The following TRIP4 variants were observed in gnomAD, a reference collection of about 807,000 sequenced individuals.
TRIP4 encodes the protein thyroid hormone receptor interactor 4, also known as activating signal cointegrator 1.
A neutral mutation model predicts 81.8 loss-of-function variants in TRIP4; 54 were observed. The ratio of observed to expected loss-of-function variants is 0.66; its 90% CI spans 0.53 to 0.83. The LOEUF is 0.83. Among genes scored for constraint, TRIP4 ranks in the 40% least tolerant of loss-of-function variants. The pLI, the probability that TRIP4 is intolerant of heterozygous loss-of-function variation, is 0.00. For missense variants in TRIP4, 662 were observed against 683.6 expected, an observed-to-expected ratio of 0.97 and a Z score of 0.35; for synonymous variants, 270 against 242.8, an observed-to-expected ratio of 1.11 and a Z score of -1.04.
At chr15:64,414,628 T>A (rs1369614001) in intron 8 of TRIP4, among the ~76,000 whole-genome samples, 4 of 146,366 alleles carry the variant, frequency 2.7e-5, no homozygotes. Context: ...GCTATTCTCC[T>A]GCTTCAGCCT....
chr15:64,418,800 G>T, intron 9 of TRIP4, 72 bp downstream of exon 9: 1 of 1,391,674 alleles, frequency 7.2e-7, no homozygotes, highest in South Asian at 1.6e-5. Flanking sequence ...AATATGAATT[G>T]GAATTAGTTT....
At chr15:64,389,708 C>CTTTT (rs368526429) in intron 1 of TRIP4, among the ~76,000 whole-genome samples, 6 of 127,284 alleles carry the variant, frequency 4.7e-5, no homozygotes, top group Admixed American at 1.6e-4. Flanking sequence ...AAAATTTTCA[C>CTTTT]TTTTTTTTTT....
chr15:64,426,629 G>A (rs1300095072), intron 11 of TRIP4, among the ~76,000 whole-genome samples: 1 of 150,690 alleles, frequency 6.6e-6, no homozygotes, highest in Non-Finnish European at 1.5e-5. Flanking sequence ...GAACCTAGGA[G>A]GCAGAGGTTG....
chr15:64,397,947 C>G, intron 4 of TRIP4, 129 bp downstream of exon 4: 1 of 1,038,746 alleles, frequency 9.6e-7, no homozygotes, highest in Non-Finnish European at 1.4e-6. Flanking sequence ...GTCGCCCAGG[C>G]TGGAGTGCAG....
intron 11 of TRIP4, among the ~76,000 whole-genome samples, chr15:64,442,940 G>T (rs201928141): frequency 6.7e-6 from 1 of 150,084 alleles, no homozygotes; most frequent in Admixed American, 6.7e-5. Context: ...GCAGTGAGCC[G>T]AGATCACGCC....
intron 5 of TRIP4, among the ~76,000 whole-genome samples, chr15:64,401,710 T>C (rs541274934): frequency 6.6e-6 from 1 of 152,238 alleles, no homozygotes; most frequent in South Asian, 2.1e-4. Context: ...TATAAATAAC[T>C]GAATAAGTTA....
At chr15:64,416,366 G>A (rs141868693) in intron 8 of TRIP4, among the ~76,000 whole-genome samples, 1 of 152,308 alleles carries the variant, frequency 6.6e-6, no homozygotes, top group African/African-American at 2.4e-5. Context: ...GGGAACAGCT[G>A]TAGTAGAAAT....
intron 10 of TRIP4, 21 bp downstream of exon 10, chr15:64,424,176 T>G (rs187917345): frequency 2.0e-5 from 33 of 1,613,702 alleles, no homozygotes; most frequent in Non-Finnish European, 2.6e-5. Context: ...CATATTCTCC[T>G]TTCAATTTTA....
chr15:64,424,262 A>G, intron 10 of TRIP4, 107 bp downstream of exon 10: 1 of 1,466,620 alleles, frequency 6.8e-7, no homozygotes, highest in Non-Finnish European at 9.3e-7. Context: ...GTTAAAAGAG[A>G]CTTTTAATCT....
intron 8 of TRIP4, among the ~76,000 whole-genome samples, chr15:64,417,949 A>G (rs1891924149): frequency 6.6e-6 from 1 of 152,200 alleles, no homozygotes; most frequent in African/African-American, 2.4e-5. Context: ...TTGGTGTGAT[A>G]TTTGTGCTGT....
chr15:64,408,547 A>G lies in TRIP4; in HGVS notation c.828-1066A>G, dbSNP rs577900566. ...GTGTTGGGATTACAGGTGTTGAGCCACTGTGCCCGGCTGACAAAATTTTTT... is the reference window on the plus strand; with the variant it reads ...GTGTTGGGATTACAGGTGTTGAGCCGCTGTGCCCGGCTGACAAAATTTTTT... On this transcript the variant is annotated intron_variant, in intron 6 of 12. Coordinates refer to ENST00000261884, the MANE Select transcript of TRIP4 (RefSeq NM_016213.5). Among the ~76,000 whole-genome samples the G allele has an allele frequency of 2.4e-3, 360 of 152,062 alleles. 3 individuals carry two copies. In the South Asian group the frequency reaches 0.031, roughly 13 times the overall value.
At chr15:64,425,472 A>C in intron 10 of TRIP4, 68 bp from the exon 11 acceptor site, 1 of 1,320,512 alleles carries the variant, frequency 7.6e-7, no homozygotes. Flanking sequence ...AGAATTGAAA[A>C]CAGATTCCTG....
intron 11 of TRIP4, among the ~76,000 whole-genome samples, chr15:64,439,842 C>T (rs1160595228): frequency 6.6e-6 from 1 of 151,750 alleles, no homozygotes; most frequent in African/African-American, 2.4e-5. Context: ...AATCTTATAT[C>T]TGGAGACAGA....
At chr15:64,393,316 AT>A (rs1330795310) in intron 1 of TRIP4, 6 of 131,046 alleles carry the variant, frequency 4.6e-5, no homozygotes, top group Non-Finnish European at 6.9e-5. Flanking sequence ...TACCCGCCTA[AT>A]TTTTTTTTGT....
chr15:64,389,090 A>G (rs1392093907), intron 1 of TRIP4, among the ~76,000 whole-genome samples: 2 of 152,198 alleles, frequency 1.3e-5, no homozygotes. Context: ...TTTATTGGAA[A>G]GGATAACTTT....
chr15:64,408,327 C>A (rs911046142), intron 6 of TRIP4, among the ~76,000 whole-genome samples: 3 of 142,442 alleles, frequency 2.1e-5, no homozygotes, highest in African/African-American at 8.0e-5. Flanking sequence ...GGCGCCATCT[C>A]GGCTTACTGC....
At chr15:64,450,108 G>C (rs1489536584) in intron 12 of TRIP4, among the ~76,000 whole-genome samples, 1 of 152,178 alleles carries the variant, frequency 6.6e-6, no homozygotes, top group Non-Finnish European at 1.5e-5. Flanking sequence ...AGAAGCCCAG[G>C]GTGGGCTGGG....
chr15:64,450,648 T>G (rs370325253), intron 12 of TRIP4: 5 of 455,786 alleles, frequency 1.1e-5, no homozygotes, highest in East Asian at 6.9e-5. Context: ...TGTTGGCAAA[T>G]GTCTGATTTT....
chr15:64,422,962 C>T (rs1892052604), intron 9 of TRIP4, among the ~76,000 whole-genome samples: 1 of 152,116 alleles, frequency 6.6e-6, no homozygotes, highest in South Asian at 2.1e-4. Flanking sequence ...TTCATGACCC[C>T]ATTTTCCATT....
Sources: gnomAD v4.1 joint callset for allele counts (sites outside exome capture counted in the v4.1 genomes callset) on GRCh38, gnomAD v4.1.1 for gene constraint, MANE v1.5 for transcripts, NCBI Gene and HGNC (gene_info 2026-07-23, HGNC 2026-07-21) for gene names.